TSPAN32: variants seen among roughly 807,000 people sequenced by gnomAD.
TSPAN32 encodes tetraspanin 32, also known as tetraspanin-32.
In TSPAN32, 47 loss-of-function variants were observed where a neutral mutation model predicts 42.7. That is an observed-to-expected ratio of 1.10 (90% CI 0.87 to 1.40). The LOEUF is 1.40. Ranked by LOEUF, TSPAN32 falls within the 40% of genes most tolerant of loss-of-function variation. The pLI, the probability that TSPAN32 is intolerant of heterozygous loss-of-function variation, is 0.00. For missense variants in TSPAN32, 469 were observed against 424.1 expected (o/e 1.11, Z -0.93); for synonymous variants, 175 against 175.9 (o/e 0.99, Z 0.04).
Position 2,317,394 on chromosome 11 carries a change from G to T in TSPAN32, c.770G>T (p.Gly257Val). The T allele has an allele frequency of 6.3e-7, 1 of 1,599,784 alleles. No individual in the cohort carries two copies. Among genetic ancestry groups the T allele is most frequent in the East Asian group, 2.3e-5 (1 of 44,240 alleles). ...CCCAGCCTCTTGAGATGCTCCCAGG[G>T]TGGACCCACACATTGTCTCCACTCC... ...QEPSLLRCSQ[G>V]GPTHCLHSEA... The change falls in exon 9 of 10, where the codon GGT (glycine) becomes GTT (valine). Residue 257 changes from glycine (G) to valine (V), a missense_variant. Gly to Val is a moderately radical substitution (Grantham distance 109). Transcript: ENST00000182290. The surrounding 1 kb of genome is among the most constrained non-coding windows in gnomAD (Gnocchi z 6.2).
Position 2,316,640 on chromosome 11 carries a change from G to T in TSPAN32, c.692G>T (p.Arg231Leu), listed in dbSNP as rs750103889. 6.5e-7 allele frequency: 1 copy of T among 1,541,512 alleles called. No homozygotes were observed. The highest frequency in any genetic ancestry group is 1.3e-5 in the South Asian group (1 of 79,282). Residue 231 changes from arginine to leucine, a missense_variant, in exon 8 of 10, where the codon CGC (arginine) becomes CTC (leucine). Coordinates refer to ENST00000182290, the MANE Select transcript of TSPAN32 (RefSeq NM_139022.3). ...FAIRCGCSLDRKGKYTLTPRA... is the reference protein window; with the variant it reads ...FAIRCGCSLDLKGKYTLTPRA... The stretch of plus-strand genomic sequence containing the variant: ...ATCCGCTGTGGCTGCAGCTTGGACC[G>T]CAAGGGCAAATACACCCTGACCCCA...
rs1165771374 is a variant in TSPAN32, at chr11:2,316,303, G to A, written c.618G>A (p.Leu206=). 1 of 1,600,054 alleles carries A rather than the reference G, an allele frequency of 6.2e-7. No individual in the cohort carries two copies. Among genetic ancestry groups the A allele is most frequent in the Non-Finnish European group, 8.5e-7 (1 of 1,175,548 alleles). Residue 206 remains leucine (L), a synonymous_variant, in exon 7 of 10, where the codon CTG becomes CTA. Transcript: ENST00000182290. Reference sequence around the variant, plus strand: ...CCTCCAGCCTGACCAGCATCGGCCTGGCCCTCACGGTACCCTCTCGCCTCC... The same window carrying A: ...CCTCCAGCCTGACCAGCATCGGCCTAGCCCTCACGGTACCCTCTCGCCTCC... ...QVASSLTSIG[L]ALTVSALLFS...
chr11:2,302,308 G>T, intron 1 of TSPAN32, 93 bp downstream of exon 1: 1 of 1,242,112 alleles, frequency 8.1e-7, no homozygotes, highest in Non-Finnish European at 1.0e-6. Flanking sequence ...TCCCTCCCCT[G>T]ACACACACAC....
intron 4 of TSPAN32, among the ~76,000 whole-genome samples, chr11:2,310,454 G>A (rs1848398958): frequency 6.6e-6 from 1 of 152,160 alleles, no homozygotes; most frequent in Non-Finnish European, 1.5e-5. Context: ...TGCCCTTCAG[G>A]GGTCAGTTCT....
In TSPAN32 at chr11:2,304,321, C is replaced by A. The variant is rs1319489094; in HGVS notation, c.279+117C>A. 5.5e-6 allele frequency: 4 copies of A among 729,006 alleles called. No homozygotes were observed. The highest frequency in any genetic ancestry group is 8.7e-6 in the Non-Finnish European group (4 of 461,182). 45.2% of individuals were successfully genotyped at this position (729,006 alleles called of 1,614,324 possible). ...TGAGTGACCAGGCAGAACCAGAGGC[C>A]CCAGGGATGCTGGCCAGCCGAGACC... On this transcript the variant is annotated intron_variant, in intron 3 of 9. Coordinates refer to ENST00000182290, the MANE Select transcript of TSPAN32 (RefSeq NM_139022.3). This position sits in a 1 kb window ranked among gnomAD's most constrained non-coding sequence, Gnocchi z 4.8.
intron 3 of TSPAN32, among the ~76,000 whole-genome samples, chr11:2,307,271 C>T (rs996695958): frequency 1.3e-5 from 2 of 152,202 alleles, no homozygotes; most frequent in Non-Finnish European, 2.9e-5. Context: ...TGTCGCTGCC[C>T]ACCTGCCAGC....
At chr11:2,315,929 C>T in intron 6 of TSPAN32, 2 of 1,510,660 alleles carry the variant, frequency 1.3e-6, no homozygotes, top group Non-Finnish European at 1.8e-6. Context: ...AGTGGCCCGG[C>T]CCAGGGGAGC....
At position 2,304,681 on chromosome 11, in the gene TSPAN32, C is replaced by G. The variant is rs896737800; in HGVS notation, c.279+477C>G. Among the ~76,000 whole-genome samples, 1 of 151,972 alleles carries G rather than the reference C, an allele frequency of 6.6e-6. No homozygotes were observed. The highest frequency in any genetic ancestry group is 1.5e-5 in the Non-Finnish European group (1 of 67,972). On this transcript the variant is annotated intron_variant, in intron 3 of 9. Coordinates refer to ENST00000182290, the MANE Select transcript of TSPAN32 (RefSeq NM_139022.3). This position sits in a 1 kb window ranked among gnomAD's most constrained non-coding sequence, Gnocchi z 4.8. ...GCTCTCCAGCCTGGGCTCTCCGGAG[C>G]TGCACACTCTCCTTCCCAGCTGCCG... is the stretch of plus-strand genomic sequence containing the variant.
At chr11:2,305,072 G>A (rs1175330621) in intron 3 of TSPAN32, among the ~76,000 whole-genome samples, 1 of 152,232 alleles carries the variant, frequency 6.6e-6, no homozygotes, top group Non-Finnish European at 1.5e-5. Flanking sequence ...AGCCTCCTGG[G>A]TCCCCAGGGC....
At chr11:2,303,444 C>T (rs972418976) in intron 2 of TSPAN32, 15 of 189,834 alleles carry the variant, frequency 7.9e-5, no homozygotes, top group Middle Eastern at 9.9e-4. Context: ...ATCCAGAGAG[C>T]GGGAGCGAGG....
Position 2,302,911 on chromosome 11 carries a change from G to T in TSPAN32, c.134G>T (p.Arg45Leu), listed in dbSNP as rs201106606. The change falls in exon 2 of 10, where the codon CGC becomes CTC. Residue 45 changes from arginine to leucine, a missense_variant. Coordinates refer to ENST00000182290, the MANE Select transcript of TSPAN32 (RefSeq NM_139022.3). The stretch of plus-strand genomic sequence containing the variant: ...TTCGGGGCCCACTTTGCTGTCATCC[G>T]CCGAGCGTCCCTGGAGAAGAACCCG... ...TYFGAHFAVI[R>L]RASLEKNPYQ... The T allele has an allele frequency of 6.2e-6, 10 of 1,613,686 alleles. No individual in the cohort carries two copies. The East Asian group carries it at 2.0e-4, about 32-fold the overall frequency.
At chr11:2,302,523 T>A (rs773529060) in intron 1 of TSPAN32, among the ~76,000 whole-genome samples, 20 of 152,160 alleles carry the variant, frequency 1.3e-4, no homozygotes, top group Non-Finnish European at 2.4e-4. Context: ...TCTTCTCCCC[T>A]TCCTGCCCCG....
chr11:2,302,625 T>G (rs1433438096), intron 1 of TSPAN32: 1 of 583,074 alleles, frequency 1.7e-6, no homozygotes, highest in Non-Finnish European at 3.1e-6. Flanking sequence ...GCTGTGCGTG[T>G]ATGCGTCTAC....
chr11:2,315,066 C>G (rs990888176), intron 6 of TSPAN32: 2 of 225,366 alleles, frequency 8.9e-6, no homozygotes, highest in East Asian at 3.6e-4. Flanking sequence ...GCTTCAGCAA[C>G]AACAGAGCGG....
At chr11:2,316,440 A>T in intron 7 of TSPAN32, 128 bp downstream of exon 7, 1 of 1,551,476 alleles carries the variant, frequency 6.4e-7, no homozygotes, top group Non-Finnish European at 8.7e-7. Flanking sequence ...TGCCAACCTC[A>T]GGGAGCTGCT....
intron 4 of TSPAN32, among the ~76,000 whole-genome samples, chr11:2,309,044 C>A (rs1303049805): frequency 6.6e-6 from 1 of 151,806 alleles, no homozygotes; most frequent in East Asian, 2.0e-4. Context: ...CTATGCTGTA[C>A]CCCTGCCTTC....
At chr11:2,303,787 G>T (rs1847908382) in intron 2 of TSPAN32, among the ~76,000 whole-genome samples, 1 of 151,938 alleles carries the variant, frequency 6.6e-6, no homozygotes, top group Non-Finnish European at 1.5e-5. Flanking sequence ...CCAGGTCCAG[G>T]TCCAGACTGA....
Position 2,313,354 on chromosome 11 carries a change from C to T in TSPAN32, c.355-300C>T, listed in dbSNP as rs953625091. Among the ~76,000 whole-genome samples the T allele has an allele frequency of 6.6e-6, 1 of 152,198 alleles. No homozygotes were observed. Among genetic ancestry groups the T allele is most frequent in the African/African-American group, 2.4e-5 (1 of 41,436 alleles). ...ACTTCTGTGGGCCAACCTTGTAAGA[C>T]CACAGCGGAGGCGGACGCAGAGCTT... is the stretch of plus-strand genomic sequence containing the variant. On this transcript the variant is annotated intron_variant, in intron 4 of 9. Coordinates refer to ENST00000182290, the MANE Select transcript of TSPAN32 (RefSeq NM_139022.3). This position sits in a 1 kb window ranked among gnomAD's most constrained non-coding sequence, Gnocchi z 9.1.
intron 3 of TSPAN32, chr11:2,306,808 A>T (rs1848118434): frequency 1.4e-5 from 1 of 73,224 alleles, no homozygotes; most frequent in Non-Finnish European, 2.8e-5. Flanking sequence ...AAAGGAGGGA[A>T]AAGGGGGGAG....
Sources: allele counts gnomAD v4.1 joint callset (sites outside exome capture counted in the v4.1 genomes callset), GRCh38; gene constraint gnomAD v4.1.1; non-coding constraint Gnocchi (gnomAD v3.1); transcripts MANE v1.5; gene names NCBI Gene and HGNC (gene_info 2026-07-23, HGNC 2026-07-21).